The following ERLEC1 variants were observed in gnomAD, a reference collection of about 807,000 sequenced individuals.
ERLEC1 encodes the protein ER lectin.
A neutral mutation model predicts 68.0 loss-of-function variants in ERLEC1; 47 were observed. The observed-to-expected ratio is 0.69, with a 90% CI of 0.55 to 0.88. The LOEUF (loss-of-function observed/expected upper bound fraction) is 0.88. Ranked by LOEUF, ERLEC1 falls within the 40% of genes least tolerant of loss-of-function variation. The pLI is 0.00. For missense variants in ERLEC1, 567 were observed against 583.8 expected (o/e 0.97, Z 0.30); for synonymous variants, 225 against 203.2 (o/e 1.11, Z -0.91).
rs1437331365 is a variant in ERLEC1 at position 53,799,406 on chromosome 2, T to A, written c.525+325T>A. Among the ~76,000 whole-genome samples the A allele has an allele frequency of 3.9e-5, 6 of 152,218 alleles. No individual in the cohort carries two copies. The South Asian group carries it at 1.2e-3, about 32-fold the overall frequency. On this transcript the variant is annotated intron_variant, in intron 6 of 13. Coordinates refer to ENST00000185150, the MANE Select transcript of ERLEC1 (RefSeq NM_015701.5). Reference sequence around the variant, plus strand: ...CACTGGAAACTATTAAGAGTTTTGGTCCCCATTTCCTGTGGGCAAAACAGG... The same window carrying A: ...CACTGGAAACTATTAAGAGTTTTGGACCCCATTTCCTGTGGGCAAAACAGG...
intron 8 of ERLEC1, among the ~76,000 whole-genome samples, chr2:53,804,883 C>T (rs1378718085): frequency 6.6e-6 from 1 of 152,002 alleles, no homozygotes; most frequent in Non-Finnish European, 1.5e-5. Flanking sequence ...TTTTTAGATC[C>T]CGTAAATAAG....
chr2:53,787,119 C>G lies in ERLEC1; in HGVS notation c.-92C>G. 1 of 1,364,534 alleles carries G rather than the reference C, an allele frequency of 7.3e-7. No homozygotes were observed. Among genetic ancestry groups the G allele is most frequent in the South Asian group, 1.6e-5 (1 of 64,458 alleles). 84.5% of individuals were successfully genotyped at this position (1,364,534 alleles called of 1,614,324 possible). ...CGGTGATACCCGGGCGCTTTATAGT[C>G]CCGCCGCCTCCTCCTCCACCTCCTC... On this transcript the variant is annotated 5_prime_UTR_variant, in exon 1 of 14. Coordinates refer to ENST00000185150, the MANE Select transcript of ERLEC1 (RefSeq NM_015701.5).
chr2:53,801,498 T>C lies in ERLEC1; in HGVS notation c.627T>C (p.Ser209=), dbSNP rs1676002325. The C allele has an allele frequency of 6.2e-7, 1 of 1,614,090 alleles. No individual in the cohort carries two copies. The highest frequency in any genetic ancestry group is 1.3e-5 in the African/African-American group (1 of 75,038). Residue 209 remains serine, a synonymous_variant, in exon 7 of 14, where the codon AGT becomes AGC. Coordinates refer to ENST00000185150, the MANE Select transcript of ERLEC1 (RefSeq NM_015701.5). The part of the protein sequence containing the change: ...CSLKQNRPRS[S]TVMYICHPES... ...TGAAACAGAACCGGCCCAGATCAAG[T>C]ACTGTGATGTACATATGTCATCCTG...
Position 53,798,886 on chromosome 2 carries a change from C to G in ERLEC1, c.491-161C>G, listed in dbSNP as rs185353101. ...AAATATGACTTCCTTTCATACAAAACCATTTCAAGGAAACTAGCTTTAAAG... is the reference window on the plus strand; with the variant it reads ...AAATATGACTTCCTTTCATACAAAAGCATTTCAAGGAAACTAGCTTTAAAG... On this transcript the variant is annotated intron_variant, in intron 5 of 13. Transcript: ENST00000185150. Among the ~76,000 whole-genome samples, 668 of 151,998 alleles carry G rather than the reference C, an allele frequency of 4.4e-3. 1 individual carries two copies. Among genetic ancestry groups the G allele is most frequent in the Non-Finnish European group, 7.3e-3 (497 of 67,978 alleles).
intron 3 of ERLEC1, among the ~76,000 whole-genome samples, chr2:53,796,813 A>G (rs1363279362): frequency 2.0e-5 from 3 of 151,950 alleles, no homozygotes; most frequent in East Asian, 1.9e-4. Context: ...CAGATACCCA[A>G]TAATACCAAT....
intron 1 of ERLEC1, among the ~76,000 whole-genome samples, chr2:53,790,737 C>T (rs529219073): frequency 6.7e-5 from 10 of 150,086 alleles, no homozygotes; most frequent in African/African-American, 2.0e-4. Flanking sequence ...CCTCTTAAAG[C>T]GCTGGGATTA....
intron 1 of ERLEC1, among the ~76,000 whole-genome samples, chr2:53,793,440 G>A (rs940322646): frequency 5.3e-5 from 8 of 152,046 alleles, no homozygotes; most frequent in African/African-American, 1.2e-4. Flanking sequence ...ATCATCATCC[G>A]TATTTGTTTA....
At chr2:53,802,072 G>C (rs59992880) in intron 8 of ERLEC1, among the ~76,000 whole-genome samples, 1,797 of 151,942 alleles carry the variant, frequency 0.012, 40 homozygotes, top group African/African-American at 0.041. Context: ...TTTAAAGTTT[G>C]ACATCCTACT....
intron 1 of ERLEC1, among the ~76,000 whole-genome samples, chr2:53,791,995 T>G (rs1411123524): frequency 6.9e-6 from 1 of 145,196 alleles, no homozygotes; most frequent in Non-Finnish European, 1.5e-5. Flanking sequence ...CTCTGCAAGC[T>G]CCGCCTCCCG....
At chr2:53,798,534 G>A (rs772187629) in intron 5 of ERLEC1, among the ~76,000 whole-genome samples, 1 of 151,826 alleles carries the variant, frequency 6.6e-6, no homozygotes. Context: ...TCCTGGGATC[G>A]TATGCATGAG....
At chr2:53,797,871 G>T in intron 5 of ERLEC1, 76 bp downstream of exon 5, 1 of 1,319,266 alleles carries the variant, frequency 7.6e-7, no homozygotes, top group Non-Finnish European at 1.1e-6. Flanking sequence ...GAATTTACGA[G>T]ATTTTTTTTT....
At position 53,801,627 on chromosome 2, in the gene ERLEC1, T is replaced by A; in HGVS notation, c.749+7T>A. 6.2e-7 allele frequency: 1 copy of A among 1,613,546 alleles called. No homozygotes were observed. The highest frequency in any genetic ancestry group is 1.7e-5 in the Admixed American group (1 of 59,992). The stretch of plus-strand genomic sequence containing the variant: ...GCAGTCATCCTAAATATAGGTAGGA[T>A]GTGCATTTAATATTTTAAACATAAA... On this transcript the variant is annotated splice_region_variant and intron_variant, in intron 7 of 13. Transcript: ENST00000185150.
chr2:53,813,199 T>G, intron 11 of ERLEC1, 126 bp downstream of exon 11: 1 of 1,141,406 alleles, frequency 8.8e-7, no homozygotes, highest in Non-Finnish European at 1.2e-6. Context: ...AGGGATATCT[T>G]TTAGGTTAGT....
chr2:53,805,743 G>T (rs1676262312), intron 8 of ERLEC1, among the ~76,000 whole-genome samples: 1 of 152,158 alleles, frequency 6.6e-6, no homozygotes, highest in Non-Finnish European at 1.5e-5. Flanking sequence ...TATAGTGTTT[G>T]TACTAATTTA....
chr2:53,813,035 A>C lies in ERLEC1; in HGVS notation c.1188A>C (p.Arg396Ser). The C allele has an allele frequency of 6.2e-7, 1 of 1,613,236 alleles. No individual in the cohort carries two copies. Among genetic ancestry groups the C allele is most frequent in the Non-Finnish European group, 8.5e-7 (1 of 1,179,840 alleles). ...AATGGGCTAAGAAGAATACTGCTAGAGCTTATCATCTTCAAGACGATGGTA... is the reference window on the plus strand; with the variant it reads ...AATGGGCTAAGAAGAATACTGCTAGCGCTTATCATCTTCAAGACGATGGTA... ...HIEWAKKNTA[R>S]AYHLQDDGTQ... is the part of the protein sequence containing the mutation. The change falls in exon 11 of 14, where the codon AGA becomes AGC. Residue 396 changes from arginine (R) to serine (S), a missense_variant. Arg to Ser is a moderately radical substitution (Grantham distance 110). Coordinates refer to ENST00000185150, the MANE Select transcript of ERLEC1 (RefSeq NM_015701.5).
chr2:53,807,893 C>G (rs1050015810), intron 8 of ERLEC1, among the ~76,000 whole-genome samples: 1 of 151,946 alleles, frequency 6.6e-6, no homozygotes, highest in Non-Finnish European at 1.5e-5. Context: ...GGCGTGGTGG[C>G]AGGCTCCTAT....
chr2:53,809,249 C>A lies in ERLEC1; in HGVS notation c.1077C>A (p.Gly359=). ...GGTGGAAATATGAATTCTGCTATGG[C>A]AAACATGTACATCAATACCATGAGG... ...VGWWKYEFCY[G]KHVHQYHEDK... Residue 359 remains glycine (G), a synonymous_variant, in exon 10 of 14, where the codon GGC becomes GGA. Coordinates refer to ENST00000185150, the MANE Select transcript of ERLEC1 (RefSeq NM_015701.5). 6.3e-7 allele frequency: 1 copy of A among 1,576,824 alleles called. No individual in the cohort carries two copies. The highest frequency in any genetic ancestry group is 1.2e-5 in the South Asian group (1 of 82,678).
intron 9 of ERLEC1, 29 bp downstream of exon 9, chr2:53,808,489 T>C: frequency 6.2e-7 from 1 of 1,608,012 alleles, no homozygotes; most frequent in Non-Finnish European, 8.5e-7. Context: ...GTTTAAATAT[T>C]TATTTTACAA....
chr2:53,787,282 C>T lies in ERLEC1; in HGVS notation c.72C>T (p.Leu24=). The change falls in exon 1 of 14, where the codon CTC becomes CTT. Residue 24 remains leucine, a synonymous_variant. Transcript: ENST00000185150. ...GGPVLLVLCG[L]LEASGGGRAL... is the part of the protein sequence containing the mutation. Reference sequence around the variant, plus strand: ...CGGTGTTACTGGTCCTCTGCGGCCTCCTGGAGGCGTCCGGCGGCGGCCGAG... The same window carrying T: ...CGGTGTTACTGGTCCTCTGCGGCCTTCTGGAGGCGTCCGGCGGCGGCCGAG... 6.2e-7 allele frequency: 1 copy of T among 1,609,320 alleles called. No homozygotes were observed. The highest frequency in any genetic ancestry group is 2.2e-5 in the East Asian group (1 of 44,876).
Sources: allele counts gnomAD v4.1 joint callset (sites outside exome capture counted in the v4.1 genomes callset), GRCh38; gene constraint gnomAD v4.1.1; transcripts MANE v1.5; gene names NCBI Gene and HGNC (gene_info 2026-07-23, HGNC 2026-07-21).